Variants in HIVEP2 observed in about 807,000 individuals in gnomAD.
The protein encoded by HIVEP2 is transcription factor HIVEP2.
Under a neutral mutation model 180.7 loss-of-function variants are expected in HIVEP2, and 14 were observed. The observed-to-expected ratio is 0.08, with a 90% CI of 0.05 to 0.12. The LOEUF is 0.12. HIVEP2 is among the 10% of genes least tolerant of loss of function. HIVEP2 has a pLI of 1.00. For synonymous variants in HIVEP2, 1,184 were observed against 1,136.4 expected (o/e 1.04, Z -0.84); for missense variants, 2,579 against 3,008.5 (o/e 0.86, Z 3.34).
chr6:142,802,502 A>C (rs1776438160), intron 2 of HIVEP2, among the ~76,000 whole-genome samples: 1 of 152,010 alleles, frequency 6.6e-6, no homozygotes, highest in African/African-American at 2.4e-5. Context: ...AGTACATCTG[A>C]GTCTTGGCCA....
chr6:142,768,931 A>G (rs1775447156), intron 5 of HIVEP2, among the ~76,000 whole-genome samples: 1 of 152,204 alleles, frequency 6.6e-6, no homozygotes, highest in Non-Finnish European at 1.5e-5. Context: ...AAAAGTGAAA[A>G]CATATTTTTA....
intron 1 of HIVEP2, among the ~76,000 whole-genome samples, chr6:142,869,354 T>C (rs1776230324): frequency 6.6e-6 from 1 of 152,208 alleles, no homozygotes; most frequent in Non-Finnish European, 1.5e-5. Flanking sequence ...CAAAATTTTA[T>C]TCCATAAAAA....
In HIVEP2 at chr6:142,861,300, T is replaced by C. The variant is rs564203616; in HGVS notation, c.-640-24253A>G. On this transcript the variant is annotated intron_variant, in intron 1 of 9. Coordinates refer to ENST00000367603, the MANE Select transcript of HIVEP2 (RefSeq NM_006734.4). ...TCAATTGGAATGGCCTTCCCCTGTA[T>C]GATTCATACATAAAATGAAATTTAC... Among the ~76,000 whole-genome samples the C allele has an allele frequency of 4.9e-4, 75 of 152,362 alleles. 3 individuals are homozygous for C. The South Asian group carries it at 7.9e-3, about 16-fold the overall frequency.
intron 1 of HIVEP2, among the ~76,000 whole-genome samples, chr6:142,847,297 C>T (rs749151624): frequency 1.3e-5 from 2 of 152,152 alleles, no homozygotes; most frequent in Non-Finnish European, 2.9e-5. Context: ...GGCTCTTTCA[C>T]CAGTCCTAAA....
chr6:142,815,326 G>A (rs1309286234), intron 2 of HIVEP2, among the ~76,000 whole-genome samples: 2 of 152,176 alleles, frequency 1.3e-5, no homozygotes, highest in East Asian at 3.9e-4. Flanking sequence ...AGACTGAGGA[G>A]TAATCGGGCA....
intron 1 of HIVEP2, among the ~76,000 whole-genome samples, chr6:142,865,345 G>A (rs1247883389): frequency 6.6e-6 from 1 of 151,686 alleles, no homozygotes; most frequent in Non-Finnish European, 1.5e-5. Flanking sequence ...AATGCTGAGT[G>A]AAAGACATAA....
chr6:142,863,688 AT>A (rs1333843254), intron 1 of HIVEP2, among the ~76,000 whole-genome samples: 1 of 152,192 alleles, frequency 6.6e-6, no homozygotes, highest in African/African-American at 2.4e-5. Context: ...AAATACCAAA[AT>A]CTTCACAATA....
In HIVEP2 at chr6:142,760,278, T is replaced by G. The variant is rs764807155; in HGVS notation, c.6010A>C (p.Ser2004Arg). Residue 2004 changes from serine (S) to arginine (R), a missense_variant, in exon 9 of 10, where the codon AGC becomes CGC. Ser to Arg is a moderately radical substitution (Grantham distance 110). Coordinates refer to ENST00000367603, the MANE Select transcript of HIVEP2 (RefSeq NM_006734.4). The stretch of plus-strand genomic sequence containing the variant: ...TCTGGTTCTGAGTCCGTACTTTTGC[T>G]CTGGAATAGCCTCTGGTATTCTGTC... ...QMTEYQRLFQ[S>R]KSTDSEPDKD... 1.4e-5 allele frequency: 23 copies of G among 1,614,064 alleles called. No homozygotes were observed. The highest frequency in any genetic ancestry group is 1.9e-5 in the Non-Finnish European group (22 of 1,180,018).
intron 1 of HIVEP2, among the ~76,000 whole-genome samples, chr6:142,853,408 C>T (rs1457122156): frequency 3.3e-5 from 5 of 152,170 alleles, no homozygotes; most frequent in African/African-American, 1.2e-4. Flanking sequence ...ATAGTTCCTA[C>T]TTAAAATGAA....
Position 142,760,327 on chromosome 6 carries a change from A to G in HIVEP2, c.5961T>C (p.Ser1987=). Residue 1987 remains serine (S), a synonymous_variant, in exon 9 of 10, where the codon AGT becomes AGC. Transcript: ENST00000367603. ...SIRVTQLMTP[S]DSCEDTQMTE... ...TCATCTGGGTATCTTCACATGAATC[A>G]CTGGGTGTCATAAGCTGAGTAACTC... 3 of 1,614,152 alleles carry G rather than the reference A, an allele frequency of 1.9e-6. No individual in the cohort carries two copies. The highest frequency in any genetic ancestry group is 2.2e-5 in the East Asian group (1 of 44,882).
At chr6:142,780,238 C>T (rs1460927386) in intron 3 of HIVEP2, among the ~76,000 whole-genome samples, 6 of 152,184 alleles carry the variant, frequency 3.9e-5, no homozygotes, top group African/African-American at 9.7e-5. Flanking sequence ...TGATATCCCA[C>T]GCCATGCTTT....
intron 2 of HIVEP2, among the ~76,000 whole-genome samples, chr6:142,829,560 G>T (rs1234236944): frequency 7.9e-5 from 12 of 152,168 alleles, no homozygotes; most frequent in Non-Finnish European, 1.3e-4. Context: ...GTACTAGTCC[G>T]ATTTCTATTT....
chr6:142,807,432 T>C (rs1363920177), intron 2 of HIVEP2, among the ~76,000 whole-genome samples: 2 of 152,168 alleles, frequency 1.3e-5, no homozygotes, highest in African/African-American at 4.8e-5. Flanking sequence ...TCCAAAGGCA[T>C]GACAGTGCCA....
At chr6:142,809,604 T>TTTG (rs1363077567) in intron 2 of HIVEP2, among the ~76,000 whole-genome samples, 9 of 151,980 alleles carry the variant, frequency 5.9e-5, no homozygotes, top group Admixed American at 3.9e-4. Flanking sequence ...TGTTTGTTTG[T>TTTG]TTGTTTTGAG....
Position 142,772,121 on chromosome 6 carries a change from G to T in HIVEP2, c.2618C>A (p.Ser873Tyr). The T allele has an allele frequency of 1.2e-6, 2 of 1,614,190 alleles. No individual in the cohort carries two copies. The highest frequency in any genetic ancestry group is 8.5e-7 in the Non-Finnish European group (1 of 1,180,028). ...AACTAGCCTGGGCTGTGTGTGATAGGACTGCTGCTGCACCTGCTGAGATGG... is the reference window on the plus strand; with the variant it reads ...AACTAGCCTGGGCTGTGTGTGATAGTACTGCTGCTGCACCTGCTGAGATGG... ...PSPSQQVQQQ[S>Y]YHTQPRLVRQ... Residue 873 changes from serine to tyrosine, a missense_variant, in exon 5 of 10, where the codon TCC becomes TAC. Physicochemically the swap from Ser to Tyr is moderately radical, Grantham distance 144. This residue lies in a region of HIVEP2 where 524 missense variants were observed against 563.6 expected (regional missense o/e 0.93). Coordinates refer to ENST00000367603, the MANE Select transcript of HIVEP2 (RefSeq NM_006734.4). The surrounding 1 kb of genome is among the most constrained non-coding windows in gnomAD (Gnocchi z 4.9).
At chr6:142,882,633 G>A (rs963025537) in intron 1 of HIVEP2, among the ~76,000 whole-genome samples, 1 of 144,860 alleles carries the variant, frequency 6.9e-6, no homozygotes, top group African/African-American at 2.5e-5. Flanking sequence ...GAAAGGGGGG[G>A]AGGGGAGGGG....
In HIVEP2 at chr6:142,923,833, G is replaced by A. The variant is rs941287124; in HGVS notation, c.-641+21266C>T. On this transcript the variant is annotated intron_variant, in intron 1 of 9. Coordinates refer to ENST00000367603, the MANE Select transcript of HIVEP2 (RefSeq NM_006734.4). ...GCAACGGCTTTTAATCCATAATCCCGATGTCCAGAAAGGCTCAAATGTAGC... is the reference window on the plus strand; with the variant it reads ...GCAACGGCTTTTAATCCATAATCCCAATGTCCAGAAAGGCTCAAATGTAGC... Among the ~76,000 whole-genome samples the A allele has an allele frequency of 3.3e-5, 5 of 152,148 alleles. No individual in the cohort carries two copies. The East Asian group carries it at 7.7e-4, about 23-fold the overall frequency.
At chr6:142,841,479 C>T (rs550774128) in intron 1 of HIVEP2, among the ~76,000 whole-genome samples, 5 of 152,026 alleles carry the variant, frequency 3.3e-5, no homozygotes, top group South Asian at 2.1e-4. Flanking sequence ...ACTGTTGTTT[C>T]GTAGTATGTT....
intron 1 of HIVEP2, among the ~76,000 whole-genome samples, chr6:142,913,925 T>C (rs1273413127): frequency 2.6e-5 from 4 of 152,152 alleles, no homozygotes; most frequent in Non-Finnish European, 4.4e-5. Context: ...GTTGCACGTT[T>C]GCACGTGTCT....
Sources: gnomAD v4.1 joint callset for allele counts (sites outside exome capture counted in the v4.1 genomes callset) on GRCh38, gnomAD v4.1.1 for gene constraint, gnomAD v4.1.1 regional missense constraint, Gnocchi (gnomAD v3.1) non-coding constraint, MANE v1.5 for transcripts, NCBI Gene and HGNC (gene_info 2026-07-23, HGNC 2026-07-21) for gene names.